The following ATP2B3 variants were observed in gnomAD, a reference collection of about 807,000 sequenced individuals.
ATP2B3 encodes the protein plasma membrane calcium-transporting ATPase 3.
Under a neutral mutation model 70.8 loss-of-function variants are expected in ATP2B3, and 12 were observed. The ratio of observed to expected loss-of-function variants is 0.17; its 90% CI spans 0.11 to 0.27. ATP2B3 has a LOEUF of 0.27. ATP2B3 is among the 10% of genes least tolerant of loss of function. The pLI is 1.00. For synonymous variants in ATP2B3, 460 were observed against 497.8 expected (o/e 0.92, Z 1.01); for missense variants, 858 against 1,118.5 (o/e 0.77, Z 3.32).
chrX:153,570,121 T>TG (rs201341486), intron 21 of ATP2B3, among the ~76,000 whole-genome samples: 5,288 of 112,569 alleles, frequency 0.047, 97 homozygotes, highest in African/African-American at 0.06. Context: ...GCTAGGGCCT[T>TG]GCTCAGTGTT....
Position 153,550,234 on chromosome X carries a change from G to A in ATP2B3, c.1771G>A (p.Asp591Asn), listed in dbSNP as rs782292148. Residue 591 changes from aspartate to asparagine, a missense_variant, in exon 12 of 22, where the codon GAC becomes AAC. Asp to Asn is a conservative substitution (Grantham distance 23, BLOSUM62 1). Around this residue, in one of 5 missense-constraint regions of ATP2B3, gnomAD observed 242 missense variants for 281.3 expected, o/e 0.86. Coordinates refer to ENST00000263519, the MANE Select transcript of ATP2B3 (RefSeq NM_001001344.3). ...CATGAGCACAGTCATCCGCATGCCC[G>A]ACGGTGGCTTCCGCCTCTTCAGCAA... ...KSMSTVIRMP[D>N]GGFRLFSKGA... 3.1e-5 allele frequency: 37 copies of A among 1,211,375 alleles called. No homozygotes were observed. In the African/African-American group the frequency reaches 4.9e-4, roughly 16 times the overall value.
At chrX:153,536,614 G>A (rs1311706627) in intron 3 of ATP2B3, among the ~76,000 whole-genome samples, 159 bp downstream of exon 3, 1 of 112,034 alleles carries the variant, frequency 8.9e-6, no homozygotes, top group Admixed American at 9.4e-5. Flanking sequence ...TGGGTAACCT[G>A]ACCTGACCCC....
intron 3 of ATP2B3, among the ~76,000 whole-genome samples, chrX:153,538,852 G>A (rs1021317475): frequency 2.6e-5 from 3 of 113,266 alleles, no homozygotes; most frequent in Non-Finnish European, 3.7e-5. Flanking sequence ...AAGGAGAAAC[G>A]AGCAAGGCTA....
intron 2 of ATP2B3, among the ~76,000 whole-genome samples, chrX:153,529,474 C>T (rs1557001023): frequency 1.8e-5 from 2 of 111,890 alleles, no homozygotes; most frequent in African/African-American, 6.5e-5. Context: ...TTGGGCACCA[C>T]GGGAGGCCAT....
chrX:153,558,080 ACT>A (rs2090569431), intron 16 of ATP2B3, 30 bp from the exon 17 acceptor site: 7 of 1,165,816 alleles, frequency 6.0e-6, no homozygotes, highest in Non-Finnish European at 6.9e-6. Flanking sequence ...CCCCACAAAC[ACT>A]CTGTGTGAGT....
At chrX:153,541,294 G>A in intron 3 of ATP2B3, 65 bp from the exon 4 acceptor site, 2 of 1,181,862 alleles carry the variant, frequency 1.7e-6, no homozygotes, top group East Asian at 6.0e-5. Flanking sequence ...TAGGAGGCCT[G>A]GGACACACAA....
At chrX:153,523,158 T>A in intron 2 of ATP2B3, among the ~76,000 whole-genome samples, 1 of 111,972 alleles carries the variant, frequency 8.9e-6, no homozygotes, top group Admixed American at 9.5e-5. Context: ...TTTTTCAAAA[T>A]GGTTATAGTT....
In ATP2B3 at chrX:153,558,249, G is replaced by A. The variant is rs1378558378; in HGVS notation, c.2571G>A (p.Leu857=). 2 of 1,210,402 alleles carry A rather than the reference G, an allele frequency of 1.7e-6. No homozygotes were observed. Among genetic ancestry groups the A allele is most frequent in the African/African-American group, 3.5e-5 (2 of 57,288 alleles). Residue 857 remains leucine (L), a synonymous_variant, in exon 17 of 22, where the codon CTG becomes CTA. Transcript: ENST00000263519. ...TCTCCAAGTTCCTGCAGTTTCAACT[G>A]ACGGTCAATGTGGTGGCTGTGATCG... ...DSISKFLQFQ[L]TVNVVAVIVA... is the part of the protein sequence containing the mutation.
chrX:153,569,912 G>A (rs1239160584), intron 21 of ATP2B3: 10 of 577,766 alleles, frequency 1.7e-5, no homozygotes, highest in East Asian at 3.5e-5. Context: ...CCGCCCAGAC[G>A]GTGTCTCTCG....
At chrX:153,535,690 A>G (rs1420374332) in intron 2 of ATP2B3, among the ~76,000 whole-genome samples, 3 of 112,663 alleles carry the variant, frequency 2.7e-5, no homozygotes, top group Non-Finnish European at 5.6e-5. Flanking sequence ...AAGAGCAGGG[A>G]GTGAACCGGA....
In ATP2B3 at chrX:153,563,802, T is replaced by C. The variant is rs1557017178; in HGVS notation, c.3160-1119T>C. Among the ~76,000 whole-genome samples, 3 of 112,864 alleles carry C rather than the reference T, an allele frequency of 2.7e-5. No individual in the cohort carries two copies. In the East Asian group the frequency reaches 8.3e-4, roughly 31 times the overall value. ...GGCTACTGGGTTGTCCTTTTCATTT[T>C]TAACCTTGTTCAGTTACAAAGATAA... is the stretch of plus-strand genomic sequence containing the variant. On this transcript the variant is annotated intron_variant, in intron 20 of 21. Coordinates refer to ENST00000263519, the MANE Select transcript of ATP2B3 (RefSeq NM_001001344.3).
intron 12 of ATP2B3, among the ~76,000 whole-genome samples, chrX:153,551,152 A>G (rs942439825): frequency 1.8e-5 from 2 of 112,421 alleles, no homozygotes; most frequent in African/African-American, 6.5e-5. Context: ...TGTTTTCCAC[A>G]GGGGCAGCAC....
intron 6 of ATP2B3, 48 bp downstream of exon 6, chrX:153,542,496 C>A (rs782316676): frequency 3.4e-6 from 4 of 1,193,153 alleles, no homozygotes; most frequent in Non-Finnish European, 4.5e-6. Flanking sequence ...GCGTCAGCAG[C>A]CGTGTGGCCC....
In ATP2B3 at chrX:153,517,723, C is replaced by T. The variant is rs1556996591; in HGVS notation, c.-399C>T. ...GGAGCACTCGGCCGCAGCCCTCGCC[C>T]GCCGCAGAGGGTCGCGTCCCGCGCC... On this transcript the variant is annotated 5_prime_UTR_variant, in exon 1 of 22. Transcript: ENST00000263519. The T allele has an allele frequency of 9.1e-6, 1 of 110,368 alleles. No individual in the cohort carries two copies. The highest frequency in any genetic ancestry group is 1.9e-5 in the Non-Finnish European group (1 of 52,330). The allele number at this position is 110,368 out of a possible 1,213,427, so 9.1% of individuals were successfully genotyped here.
chrX:153,567,716 C>T (rs1319432067), intron 21 of ATP2B3, among the ~76,000 whole-genome samples: 1 of 111,379 alleles, frequency 9.0e-6, no homozygotes, highest in Non-Finnish European at 1.9e-5. Context: ...CACAGAGACA[C>T]GGGCAGCTGA....
chrX:153,538,269 A>T (rs2090224252), intron 3 of ATP2B3, among the ~76,000 whole-genome samples: 1 of 113,191 alleles, frequency 8.8e-6, no homozygotes, highest in African/African-American at 3.2e-5. Context: ...TTGTGCCCCA[A>T]GCCCCATGCC....
In ATP2B3 at chrX:153,556,349, G is replaced by A; in HGVS notation, c.2257G>A (p.Asp753Asn). The A allele has an allele frequency of 8.3e-7, 1 of 1,208,055 alleles. No individual in the cohort carries two copies. The highest frequency in any genetic ancestry group is 1.1e-6 in the Non-Finnish European group (1 of 894,066). Residue 753 changes from aspartate (D) to asparagine (N), a missense_variant, in exon 15 of 22, where the codon GAC becomes AAC. Physicochemically the swap from Asp to Asn is conservative, Grantham distance 23. Coordinates refer to ENST00000263519, the MANE Select transcript of ATP2B3 (RefSeq NM_001001344.3). ...TCCCCAGATAGAACAGGAGCGGCTG[G>A]ACAAGGTGTGGCCCAAGCTGAGGGT... ...EKGEIEQERL[D>N]KVWPKLRVLA...
chrX:153,542,313 G>T lies in ATP2B3; in HGVS notation c.665-10G>T, dbSNP rs782817899. The T allele has an allele frequency of 5.8e-6, 7 of 1,209,476 alleles. No individual in the cohort carries two copies. In the African/African-American group the frequency reaches 1.0e-4, roughly 18 times the overall value. ...GTGGGGAGAAAGGCCTCTGCTTCCC[G>T]GTGCTCTAGGCGACCTGCTGCCAGC... On this transcript the variant is annotated splice_polypyrimidine_tract_variant and intron_variant, in intron 5 of 21. Transcript: ENST00000263519.
Position 153,580,559 on chromosome X carries a change from G to A in ATP2B3, c.*261G>A, listed in dbSNP as rs1435522124. Reference sequence around the variant, plus strand: ...AAAAGGAGGAAGAGGAGGACAAAAAGGGGGAGGAGAAGGTTCTTCGTCCAA... The same window carrying A: ...AAAAGGAGGAAGAGGAGGACAAAAAAGGGGAGGAGAAGGTTCTTCGTCCAA... On this transcript the variant is annotated 3_prime_UTR_variant, in exon 22 of 22. Coordinates refer to ENST00000263519, the MANE Select transcript of ATP2B3 (RefSeq NM_001001344.3). 6 of 333,588 alleles carry A rather than the reference G, an allele frequency of 1.8e-5. No homozygotes were observed. The highest frequency in any genetic ancestry group is 1.5e-4 in the African/African-American group (6 of 38,946). 27.5% of individuals were successfully genotyped at this position (333,588 alleles called of 1,213,427 possible).
Sources: gnomAD v4.1 joint callset for allele counts (sites outside exome capture counted in the v4.1 genomes callset) on GRCh38, gnomAD v4.1.1 for gene constraint, gnomAD v4.1.1 regional missense constraint, MANE v1.5 for transcripts, NCBI Gene and HGNC (gene_info 2026-07-23, HGNC 2026-07-21) for gene names.